SLC7A8: variants seen among roughly 807,000 people sequenced by gnomAD.
The protein encoded by SLC7A8 is large neutral amino acids transporter small subunit 2.
SLC7A8 carries 30 observed loss-of-function variants against 51.2 expected under a neutral mutation model. The ratio of observed to expected loss-of-function variants is 0.59; its 90% CI spans 0.44 to 0.80. The LOEUF is 0.80. SLC7A8 is among the 30% of genes least tolerant of loss of function. SLC7A8 has a pLI of 0.00. For synonymous variants in SLC7A8, 257 were observed against 275.8 expected (o/e 0.93, Z 0.67); for missense variants, 612 against 674.4 (o/e 0.91, Z 1.03).
At chr14:23,150,767 GT>G (rs1250501084) in intron 3 of SLC7A8, among the ~76,000 whole-genome samples, 2 of 152,230 alleles carry the variant, frequency 1.3e-5, no homozygotes, top group African/African-American at 4.8e-5. Flanking sequence ...AATGGGAATG[GT>G]TTGAAGGATT....
At chr14:23,160,677 C>T (rs1480492630) in intron 3 of SLC7A8, among the ~76,000 whole-genome samples, 1 of 152,084 alleles carries the variant, frequency 6.6e-6, no homozygotes, top group Non-Finnish European at 1.5e-5. Flanking sequence ...GAACTATCCA[C>T]TAGGACTGCA....
rs2048886135 is a variant in SLC7A8, at chr14:23,155,456, C to G, written c.508+9829G>C. 3 of 1,429,768 alleles carry G rather than the reference C, an allele frequency of 2.1e-6. No homozygotes were observed. In the African/African-American group the frequency reaches 4.3e-5, roughly 21 times the overall value. 88.6% of individuals were successfully genotyped at this position (1,429,768 alleles called of 1,614,324 possible). ...GGAGCTGGGGTTTCTGCTGAATCAC[C>G]ACCCAGTATTTAGCTCAGCCAAGAG... On this transcript the variant is annotated intron_variant, in intron 3 of 10. Transcript: ENST00000316902.
intron 3 of SLC7A8, among the ~76,000 whole-genome samples, chr14:23,163,660 G>A (rs758535564): frequency 3.4e-4 from 52 of 152,284 alleles, no homozygotes; most frequent in Non-Finnish European, 6.9e-4. Context: ...GAAAGCATAT[G>A]GCCAGGATGA....
intron 1 of SLC7A8, among the ~76,000 whole-genome samples, chr14:23,176,213 A>G (rs1876895819): frequency 1.3e-5 from 2 of 152,262 alleles, no homozygotes; most frequent in South Asian, 2.1e-4. Flanking sequence ...TATAGACCAC[A>G]TGGGTGTGAG....
chr14:23,131,578 T>G, intron 7 of SLC7A8, 21 bp from the exon 8 acceptor site: 1 of 1,578,514 alleles, frequency 6.3e-7, no homozygotes, highest in Non-Finnish European at 8.6e-7. Context: ...GAAAAGCAGG[T>G]CAGCCTGGGA....
intron 3 of SLC7A8, among the ~76,000 whole-genome samples, chr14:23,161,586 T>TGGGGGTAGGTG (rs2048922571): frequency 2.6e-5 from 1 of 38,612 alleles, no homozygotes; most frequent in Non-Finnish European, 6.3e-5. Flanking sequence ...GGCTGGATGA[T>TGGGGGTAGGTG]GGTGGGGGTA....
At chr14:23,158,020 A>C (rs774970100) in intron 3 of SLC7A8, among the ~76,000 whole-genome samples, 1 of 152,210 alleles carries the variant, frequency 6.6e-6, no homozygotes, top group Non-Finnish European at 1.5e-5. Context: ...TACCCGCGGC[A>C]TCAATAGAGG....
chr14:23,143,318 G>T, intron 3 of SLC7A8, 114 bp from the exon 4 acceptor site: 2 of 1,434,718 alleles, frequency 1.4e-6, no homozygotes, highest in Non-Finnish European at 1.9e-6. Context: ...TAGTAGGTGA[G>T]CCAGACATCC....
At chr14:23,146,262 G>A (rs759608495) in intron 3 of SLC7A8, among the ~76,000 whole-genome samples, 1 of 152,202 alleles carries the variant, frequency 6.6e-6, no homozygotes, top group Non-Finnish European at 1.5e-5. Context: ...CAAGGAACTG[G>A]ATCTTGATCT....
Position 23,166,444 on chromosome 14 carries a change from C to T in SLC7A8, c.248G>A (p.Gly83Asp), listed in dbSNP as rs749024429. The T allele has an allele frequency of 6.2e-7, 1 of 1,614,146 alleles. No homozygotes were observed. Among genetic ancestry groups the T allele is most frequent in the South Asian group, 1.1e-5 (1 of 91,076 alleles). The change falls in exon 2 of 11, where the codon GGC becomes GAC. Residue 83 changes from glycine (G) to aspartate (D), a missense_variant. Physicochemically the swap from Gly to Asp is moderately conservative, Grantham distance 94. Coordinates refer to ENST00000316902, the MANE Select transcript of SLC7A8 (RefSeq NM_012244.4). ...GAGGGCTCCCACAACTGTGATGAAG[C>T]CCGTCACAATCCAGACGATGAGAGC... Reference protein sequence around the residue: ...GLALIVWIVTGFITVVGALCY... With the variant: ...GLALIVWIVTDFITVVGALCY...
At chr14:23,153,701 T>TA (rs1476779062) in intron 3 of SLC7A8, among the ~76,000 whole-genome samples, 4 of 152,078 alleles carry the variant, frequency 2.6e-5, no homozygotes, top group Non-Finnish European at 2.9e-5. Flanking sequence ...CCAGCCCCCT[T>TA]AATCAATGTC....
rs199630141 is a variant in SLC7A8 at position 23,127,135 on chromosome 14, A to T, written c.*42T>A. 62 of 1,610,038 alleles carry T rather than the reference A, an allele frequency of 3.9e-5. No individual in the cohort carries two copies. The highest frequency in any genetic ancestry group is 7.6e-6 in the Non-Finnish European group (9 of 1,176,982). On this transcript the variant is annotated 3_prime_UTR_variant, in exon 11 of 11. Transcript: ENST00000316902. ...CAGGACCAAGGCAGGGAGGTAGGATAAAAGGGGGAGGAAGGAGAGAGTAGC... is the reference window on the plus strand; with the variant it reads ...CAGGACCAAGGCAGGGAGGTAGGATTAAAGGGGGAGGAAGGAGAGAGTAGC...
At chr14:23,137,753 G>C (rs2048703800) in intron 7 of SLC7A8, among the ~76,000 whole-genome samples, 168 bp downstream of exon 7, 1 of 152,078 alleles carries the variant, frequency 6.6e-6, no homozygotes, top group Admixed American at 6.5e-5. Flanking sequence ...ACACTCCTCA[G>C]CATCCACACT....
intron 1 of SLC7A8, among the ~76,000 whole-genome samples, chr14:23,170,205 A>C (rs958143656): frequency 6.6e-6 from 1 of 152,224 alleles, no homozygotes; most frequent in Non-Finnish European, 1.5e-5. Context: ...CATGCACTGC[A>C]TAAGTAGCAA....
chr14:23,172,867 T>G (rs1453241785), intron 1 of SLC7A8, among the ~76,000 whole-genome samples: 2 of 152,122 alleles, frequency 1.3e-5, no homozygotes. Context: ...TCAGCACTGT[T>G]ACTTTTGGTT....
intron 3 of SLC7A8, chr14:23,154,250 C>T (rs982940976): frequency 2.0e-6 from 2 of 1,000,122 alleles, no homozygotes; most frequent in African/African-American, 1.7e-5. Flanking sequence ...GTTGGCTTCT[C>T]AGCCTCACCT....
chr14:23,129,660 C>T lies in SLC7A8; in HGVS notation c.1253G>A (p.Arg418His), dbSNP rs763323196. The T allele has an allele frequency of 9.9e-6, 16 of 1,613,942 alleles. No homozygotes were observed. Among genetic ancestry groups the T allele is most frequent in the South Asian group, 7.7e-5 (7 of 91,060 alleles). ...GGGAGTTTCTCTCACCTTGATGGGGCGGGGGATATCAGGCTTCTTCCAGCG... is the reference window on the plus strand; with the variant it reads ...GGGAGTTTCTCTCACCTTGATGGGGTGGGGGATATCAGGCTTCTTCCAGCG... Reference protein sequence around the residue: ...VLRWKKPDIPRPIKINLLFPI... With the variant: ...VLRWKKPDIPHPIKINLLFPI... The change falls in exon 9 of 11, where the codon CGC becomes CAC. Residue 418 changes from arginine (R) to histidine (H), a missense_variant. By Grantham distance (29) the Arg-to-His change is conservative. Coordinates refer to ENST00000316902, the MANE Select transcript of SLC7A8 (RefSeq NM_012244.4).
At chr14:23,137,834 G>A (rs1566359072) in intron 7 of SLC7A8, 87 bp downstream of exon 7, 1 of 1,528,844 alleles carries the variant, frequency 6.5e-7, no homozygotes, top group Non-Finnish European at 8.9e-7. Flanking sequence ...ACAGACCCCT[G>A]CTGACAGAGA....
At chr14:23,170,562 G>A (rs943519794) in intron 1 of SLC7A8, among the ~76,000 whole-genome samples, 2 of 152,044 alleles carry the variant, frequency 1.3e-5, no homozygotes, top group Non-Finnish European at 2.9e-5. Flanking sequence ...GGGTTCAAGC[G>A]ATTCTCCTGC....
Sources: gnomAD v4.1 joint callset for allele counts (sites outside exome capture counted in the v4.1 genomes callset) on GRCh38, gnomAD v4.1.1 for gene constraint, MANE v1.5 for transcripts, NCBI Gene and HGNC (gene_info 2026-07-23, HGNC 2026-07-21) for gene names.